Variants in SLC6A11 observed in about 807,000 individuals in gnomAD.
The protein encoded by SLC6A11 is sodium- and chloride-dependent GABA transporter 3.
Under a neutral mutation model 74.8 loss-of-function variants are expected in SLC6A11, and 25 were observed. That is an observed-to-expected ratio of 0.33 (90% CI 0.24 to 0.47). The LOEUF (loss-of-function observed/expected upper bound fraction) is 0.47, where lower values mean the gene tolerates loss of function less well. Ranked by LOEUF, SLC6A11 falls within the 20% of genes least tolerant of loss-of-function variation. SLC6A11 has a pLI of 1.00. For synonymous variants in SLC6A11, 330 were observed against 330.2 expected, an observed-to-expected ratio of 1.00 and a Z score of 0.01; for missense variants, 574 against 837.0, an observed-to-expected ratio of 0.69 and a Z score of 3.88.
chr3:10,932,388 G>A (rs913159850), intron 10 of SLC6A11, among the ~76,000 whole-genome samples: 1 of 152,124 alleles, frequency 6.6e-6, no homozygotes, highest in Non-Finnish European at 1.5e-5. Context: ...ACCCTATGGA[G>A]ATCACACTCC....
At chr3:10,932,643 G>A (rs1245495733) in intron 10 of SLC6A11, among the ~76,000 whole-genome samples, 1 of 152,312 alleles carries the variant, frequency 6.6e-6, no homozygotes, top group Admixed American at 6.5e-5. Flanking sequence ...GGGACTGTGG[G>A]AAGGGAGATG....
At chr3:10,871,200 C>A (rs1198969079) in intron 5 of SLC6A11, among the ~76,000 whole-genome samples, 1 of 152,204 alleles carries the variant, frequency 6.6e-6, no homozygotes, top group Non-Finnish European at 1.5e-5. Flanking sequence ...CTCTTAATGA[C>A]ACCCCACTGG....
chr3:10,924,651 A>G (rs1328671105), intron 8 of SLC6A11, among the ~76,000 whole-genome samples: 1 of 152,202 alleles, frequency 6.6e-6, no homozygotes, highest in East Asian at 1.9e-4. Flanking sequence ...AATAAAAAGA[A>G]AACAACCTAA....
intron 4 of SLC6A11, among the ~76,000 whole-genome samples, chr3:10,826,648 A>C (rs1439940650): frequency 6.6e-6 from 1 of 152,254 alleles, no homozygotes; most frequent in Non-Finnish European, 1.5e-5. Context: ...AGGCTATGGA[A>C]GGCCCTCAGT....
In SLC6A11 at chr3:10,827,929, A is replaced by G. The variant is rs532468498; in HGVS notation, c.623+4537A>G. On this transcript the variant is annotated intron_variant, in intron 4 of 13. Transcript: ENST00000254488. ...ACGAGAGAAGTTCAGGCCCTACATC[A>G]GTCCTGGATTCTGACTCTTATGGGG... Among the ~76,000 whole-genome samples the G allele has an allele frequency of 3.3e-5, 5 of 152,290 alleles. 1 individual carries two copies. The highest frequency in any genetic ancestry group is 1.2e-4 in the African/African-American group (5 of 41,554).
intron 5 of SLC6A11, among the ~76,000 whole-genome samples, chr3:10,861,960 C>A (rs959427833): frequency 6.6e-6 from 1 of 152,160 alleles, no homozygotes; most frequent in Non-Finnish European, 1.5e-5. Context: ...CCTTTCAGAA[C>A]AGGGGATGCT....
chr3:10,913,500 A>G (rs982368790), intron 7 of SLC6A11, among the ~76,000 whole-genome samples: 3 of 152,172 alleles, frequency 2.0e-5, no homozygotes, highest in African/African-American at 4.8e-5. Flanking sequence ...TATTGCTTTT[A>G]TAATTTTTAA....
intron 4 of SLC6A11, among the ~76,000 whole-genome samples, chr3:10,840,662 T>A (rs1694425925): frequency 6.6e-6 from 1 of 152,172 alleles, no homozygotes. Context: ...TAGCTTTAAT[T>A]TGTTAAGAAG....
intron 4 of SLC6A11, among the ~76,000 whole-genome samples, chr3:10,830,438 C>T (rs949003571): frequency 2.0e-5 from 3 of 152,184 alleles, no homozygotes; most frequent in African/African-American, 7.2e-5. Flanking sequence ...TACTATATGG[C>T]AGGTCTCATT....
At chr3:10,843,545 C>A (rs1694464709) in intron 4 of SLC6A11, among the ~76,000 whole-genome samples, 1 of 152,178 alleles carries the variant, frequency 6.6e-6, no homozygotes, top group Admixed American at 6.5e-5. Flanking sequence ...TCCCTGACCC[C>A]CTGTAGCAGT....
At chr3:10,884,752 C>T (rs994171721) in intron 6 of SLC6A11, among the ~76,000 whole-genome samples, 1 of 152,154 alleles carries the variant, frequency 6.6e-6, no homozygotes, top group African/African-American at 2.4e-5. Context: ...CTCCATTCAG[C>T]GCAGGAATCT....
chr3:10,845,814 C>T (rs1055196128), intron 5 of SLC6A11, among the ~76,000 whole-genome samples: 4 of 152,216 alleles, frequency 2.6e-5, no homozygotes, highest in Non-Finnish European at 5.9e-5. Context: ...ATCATGAAGA[C>T]AATAGGATTT....
At chr3:10,881,619 C>T (rs777444400) in intron 6 of SLC6A11, among the ~76,000 whole-genome samples, 1 of 152,146 alleles carries the variant, frequency 6.6e-6, no homozygotes, top group East Asian at 1.9e-4. Flanking sequence ...CAGTAATAAC[C>T]GTGGGGATGG....
chr3:10,872,408 C>T (rs1460798555), intron 5 of SLC6A11, among the ~76,000 whole-genome samples: 1 of 152,222 alleles, frequency 6.6e-6, no homozygotes, highest in Non-Finnish European at 1.5e-5. Flanking sequence ...CTTCCATCCC[C>T]ATTTTCCAAG....
intron 6 of SLC6A11, among the ~76,000 whole-genome samples, chr3:10,882,111 G>A (rs1028464043): frequency 1.1e-4 from 16 of 152,074 alleles, no homozygotes; most frequent in South Asian, 6.2e-4. Flanking sequence ...GGCCCCATTC[G>A]TCCTCCCTCC....
At chr3:10,852,583 G>A (rs1319893781) in intron 5 of SLC6A11, among the ~76,000 whole-genome samples, 1 of 152,244 alleles carries the variant, frequency 6.6e-6, no homozygotes, top group Non-Finnish European at 1.5e-5. Context: ...TGTGGCTGGT[G>A]GCCTGGAGAA....
intron 5 of SLC6A11, among the ~76,000 whole-genome samples, chr3:10,848,735 G>A (rs1313900412): frequency 1.3e-5 from 2 of 152,200 alleles, no homozygotes; most frequent in African/African-American, 2.4e-5. Context: ...TTAACTCTGA[G>A]TATTAGCTCC....
chr3:10,924,353 G>A (rs1024707604), intron 8 of SLC6A11, among the ~76,000 whole-genome samples: 2 of 151,634 alleles, frequency 1.3e-5, no homozygotes, highest in African/African-American at 2.4e-5. Context: ...ATAATTAGAG[G>A]GAAGAATAAA....
At chr3:10,876,786 A>G (rs1368770862) in intron 6 of SLC6A11, among the ~76,000 whole-genome samples, 47 of 126,170 alleles carry the variant, frequency 3.7e-4, no homozygotes, top group African/African-American at 8.8e-4. Context: ...GAGAGAGAGA[A>G]AAAAAAAAAA....
Sources: gnomAD v4.1 joint callset for allele counts (sites outside exome capture counted in the v4.1 genomes callset) on GRCh38, gnomAD v4.1.1 for gene constraint, MANE v1.5 for transcripts, NCBI Gene and HGNC (gene_info 2026-07-23, HGNC 2026-07-21) for gene names.